MUC6: variants seen among roughly 807,000 people sequenced by gnomAD.
MUC6 encodes mucin 6, oligomeric mucus/gel-forming (gene/pseudogene).
In MUC6, 188 loss-of-function variants were observed where a neutral mutation model predicts 201.5. That is an observed-to-expected ratio of 0.93 (90% CI 0.83 to 1.05). The LOEUF (loss-of-function observed/expected upper bound fraction) is 1.05. Among genes scored for constraint, MUC6 ranks in the 50% least tolerant of loss-of-function variants. The pLI is 0.00. For missense variants in MUC6, 2,706 were observed against 3,256.9 expected, an observed-to-expected ratio of 0.83 and a Z score of 4.12; for synonymous variants, 1,228 against 1,389.4, an observed-to-expected ratio of 0.88 and a Z score of 2.58.
Position 1,015,896 on chromosome 11 carries a change from TTGGTGACTGGAGAGG to T in MUC6, c.6890_6904del (p.Thr2297_Thr2301del). 1 of 1,607,892 alleles carries T rather than the reference TTGGTGACTGGAGAGG, an allele frequency of 6.2e-7. No individual in the cohort carries two copies. The highest frequency in any genetic ancestry group is 8.5e-7 in the Non-Finnish European group (1 of 1,176,536). On this transcript the variant is annotated inframe_deletion, in exon 31 of 33. Transcript: ENST00000421673. ...GGGACCAGGGTGCCTGGTGGTAAGG[TTGGTGACTGGAGAGG>T]TGGGGATACCCGTCACCCCCGAGGT...
In MUC6 at chr11:1,028,931, C is replaced by T; in HGVS notation, c.1411G>A (p.Val471Ile). 1 of 1,613,044 alleles carries T rather than the reference C, an allele frequency of 6.2e-7. No individual in the cohort carries two copies. Reference sequence around the variant, plus strand: ...CACTTGGCTTCTCCGTTGTTGGTGACCACCTCGTCCTGAGAGATCACAATT... The same window carrying T: ...CACTTGGCTTCTCCGTTGTTGGTGATCACCTCGTCCTGAGAGATCACAATT... ...DKIVISQDEV[V>I]TNNGEAKWLP... is the part of the protein sequence containing the mutation. Residue 471 changes from valine to isoleucine, a missense_variant, in exon 12 of 33, where the codon GTC becomes ATC. Val to Ile is a conservative substitution (Grantham distance 29). Around this residue, in one of 10 missense-constraint regions of MUC6, gnomAD observed 1,850 missense variants for 1,958.3 expected, o/e 0.94. Transcript: ENST00000421673.
At position 1,029,274 on chromosome 11, in the gene MUC6, G is replaced by A. The variant is rs1322661490; in HGVS notation, c.1229C>T (p.Ala410Val). The A allele has an allele frequency of 6.2e-7, 1 of 1,607,294 alleles. No homozygotes were observed. Among genetic ancestry groups the A allele is most frequent in the Non-Finnish European group, 8.5e-7 (1 of 1,177,856 alleles). Residue 410 changes from alanine (A) to valine (V), a missense_variant, in exon 10 of 33, where the codon GCC (alanine) becomes GTC (valine). Transcript: ENST00000421673. ...EGGSFVTTFDARPYRFHGTCT... is the reference protein window; with the variant it reads ...EGGSFVTTFDVRPYRFHGTCT... ...GGTGCCGTGGAAGCGGTAGGGCCTGGCGTCAAATGTGGTAACAAAGGAGCC... is the reference window on the plus strand; with the variant it reads ...GGTGCCGTGGAAGCGGTAGGGCCTGACGTCAAATGTGGTAACAAAGGAGCC...
chr11:1,027,367 T>C lies in MUC6; in HGVS notation c.2132A>G (p.Gln711Arg). 1 of 1,612,936 alleles carries C rather than the reference T, an allele frequency of 6.2e-7. No homozygotes were observed. Among genetic ancestry groups the C allele is most frequent in the Non-Finnish European group, 8.5e-7 (1 of 1,179,826 alleles). Residue 711 changes from glutamine (Q) to arginine (R), a missense_variant, in exon 17 of 33, where the codon CAA becomes CGA. Gln to Arg is a conservative substitution (Grantham distance 43). Transcript: ENST00000421673. The stretch of plus-strand genomic sequence containing the variant: ...GGCCTTGCGCACACACTCGCCCTTT[T>C]GGTTCAGGTAGGTGCCATCGGGGCA... ...CNCPDGTYLNQKGECVRKAQC... is the reference protein window; with the variant it reads ...CNCPDGTYLNRKGECVRKAQC...
intron 31 of MUC6, 46 bp from the exon 32 acceptor site, chr11:1,014,047 G>A (rs1856544649): frequency 1.4e-5 from 21 of 1,518,922 alleles, no homozygotes; most frequent in Non-Finnish European, 1.9e-5. Flanking sequence ...TGGGCATGGA[G>A]CGAGGAGGGA....
chr11:1,025,702 C>T (rs1856939883), intron 22 of MUC6, 103 bp downstream of exon 22: 1 of 1,119,148 alleles, frequency 8.9e-7, no homozygotes, highest in Non-Finnish European at 1.3e-6. Context: ...GGGAGGGCTG[C>T]ATCTCGGGGC....
At chr11:1,024,234 C>T (rs1856895247) in intron 24 of MUC6, 131 bp from the exon 25 acceptor site, 3 of 1,112,192 alleles carry the variant, frequency 2.7e-6, no homozygotes, top group South Asian at 3.0e-5. Context: ...GGGTGAGCGG[C>T]ACCACGTGGA....
intron 1 of MUC6, among the ~76,000 whole-genome samples, chr11:1,035,746 G>A (rs898729123): frequency 6.6e-6 from 1 of 152,138 alleles, no homozygotes; most frequent in Non-Finnish European, 1.5e-5. Context: ...CTCCGAGGGC[G>A]AGCTCTGTCA....
At position 1,029,285 on chromosome 11, in the gene MUC6, G is replaced by C; in HGVS notation, c.1218C>G (p.Thr406=). The change falls in exon 10 of 33, where the codon ACC becomes ACG. Residue 406 remains threonine (T), a synonymous_variant. Transcript: ENST00000421673. The stretch of plus-strand genomic sequence containing the variant: ...AGCGGTAGGGCCTGGCGTCAAATGT[G>C]GTAACAAAGGAGCCACCTTCCAGGG... The part of the protein sequence containing the change: ...HCSLEGGSFV[T]TFDARPYRFH... 1.9e-6 allele frequency: 3 copies of C among 1,606,940 alleles called. No individual in the cohort carries two copies. Among genetic ancestry groups the C allele is most frequent in the Non-Finnish European group, 2.5e-6 (3 of 1,177,658 alleles).
intron 2 of MUC6, among the ~76,000 whole-genome samples, chr11:1,032,756 G>T (rs963322971): frequency 6.7e-6 from 1 of 148,540 alleles, no homozygotes; most frequent in Admixed American, 6.7e-5. Flanking sequence ...TTGTGTGTCT[G>T]TGTAGAGTGT....
At position 1,013,041 on chromosome 11, in the gene MUC6, G is replaced by A; in HGVS notation, c.*415C>T. On this transcript the variant is annotated 3_prime_UTR_variant, in exon 33 of 33. Coordinates refer to ENST00000421673, the MANE Select transcript of MUC6 (RefSeq NM_005961.3). ...TGCCTGGGCCTCTTGCCCCCATCTCGGCACAGGTTTCCGTGCCCTCCTCGC... is the reference window on the plus strand; with the variant it reads ...TGCCTGGGCCTCTTGCCCCCATCTCAGCACAGGTTTCCGTGCCCTCCTCGC... The A allele has an allele frequency of 5.5e-6, 1 of 183,468 alleles. No homozygotes were observed. Among genetic ancestry groups the A allele is most frequent in the Non-Finnish European group, 1.1e-5 (1 of 88,702 alleles). 11.4% of individuals were successfully genotyped at this position (183,468 alleles called of 1,614,324 possible).
rs1022134255 is a variant in MUC6 at position 1,033,419 on chromosome 11, C to A, written c.53-344G>T. ...TGGGTGGGGCTAGGAGGGGCTGGTGCGGGTGGCAGGGGCTTGGCGGCGGAG... is the reference window on the plus strand; with the variant it reads ...TGGGTGGGGCTAGGAGGGGCTGGTGAGGGTGGCAGGGGCTTGGCGGCGGAG... On this transcript the variant is annotated intron_variant, in intron 1 of 32. Transcript: ENST00000421673. This position sits in a 1 kb window ranked among gnomAD's most constrained non-coding sequence, Gnocchi z 5.6. Among the ~76,000 whole-genome samples the A allele has an allele frequency of 2.0e-5, 3 of 152,072 alleles. No homozygotes were observed. Among genetic ancestry groups the A allele is most frequent in the Non-Finnish European group, 4.4e-5 (3 of 67,976 alleles).
intron 4 of MUC6, 113 bp downstream of exon 4, chr11:1,031,494 G>T: frequency 6.8e-7 from 1 of 1,473,206 alleles, no homozygotes; most frequent in Non-Finnish European, 9.0e-7. Flanking sequence ...GGGCCTGGCT[G>T]CATGGCAGCC....
intron 26 of MUC6, 111 bp downstream of exon 26, chr11:1,023,398 A>G (rs1856869975): frequency 7.6e-7 from 1 of 1,308,520 alleles, no homozygotes; most frequent in Non-Finnish European, 1.0e-6. Context: ...GTGTGAATTA[A>G]TGAGCATGAA....
rs1856946943 is a variant in MUC6, at chr11:1,025,933, T to C, written c.2689-18A>G. The C allele has an allele frequency of 1.2e-6, 2 of 1,602,274 alleles. No homozygotes were observed. On this transcript the variant is annotated intron_variant, in intron 21 of 32. Transcript: ENST00000421673. ...CAGACGTCCTGCAGGGAGAGGGCGC[T>C]GAGGAGGAGCCCTGGAGGCCGTGCC...
In MUC6 at chr11:1,026,112, T is replaced by G; in HGVS notation, c.2576A>C (p.Gln859Pro). 1 of 1,600,222 alleles carries G rather than the reference T, an allele frequency of 6.2e-7. No homozygotes were observed. Among genetic ancestry groups the G allele is most frequent in the Non-Finnish European group, 8.5e-7 (1 of 1,174,378 alleles). The part of the protein sequence containing the change: ...CSCSRGRWAC[Q>P]QGTHCPSTCT... ...GGTGGATGGGCAGTGGGTGCCCTGC[T>G]GACAGGCCCACCTCCCCCTTGAGCA... Residue 859 changes from glutamine to proline, a missense_variant, in exon 21 of 33, where the codon CAG becomes CCG. By Grantham distance (76) the Gln-to-Pro change is moderately conservative (BLOSUM62 -1). This residue lies in a region of MUC6 where 1,850 missense variants were observed against 1,958.3 expected (regional missense o/e 0.94). Transcript: ENST00000421673.
At chr11:1,026,296 C>T (rs1856957991) in intron 20 of MUC6, 31 bp downstream of exon 20, 2 of 1,555,444 alleles carry the variant, frequency 1.3e-6, no homozygotes, top group Non-Finnish European at 1.7e-6. Context: ...CCCCAGGAGC[C>T]CAGGGCGTCT....
At chr11:1,021,344 C>A in intron 26 of MUC6, 67 bp from the exon 27 acceptor site, 2 of 1,089,630 alleles carry the variant, frequency 1.8e-6, no homozygotes, top group South Asian at 2.1e-5. Flanking sequence ...GTGTTTCCTG[C>A]CCTGGCGGCC....
chr11:1,015,975 G>C lies in MUC6; in HGVS notation c.6826C>G (p.Leu2276Val), dbSNP rs752256271. ...CCTGATGTGGGAACTCGGGTGGTGA[G>C]AGAAGTGGACCGCGAGGTGGTGGAC... The part of the protein sequence containing the change: ...SQSTTSRSTS[L>V]TTRVPTSGFV... Residue 2276 changes from leucine (L) to valine (V), a missense_variant, in exon 31 of 33, where the codon CTC (leucine) becomes GTC (valine). Leu to Val is a conservative substitution (Grantham distance 32, BLOSUM62 1). Coordinates refer to ENST00000421673, the MANE Select transcript of MUC6 (RefSeq NM_005961.3). 1 of 1,595,732 alleles carries C rather than the reference G, an allele frequency of 6.3e-7. No homozygotes were observed. Among genetic ancestry groups the C allele is most frequent in the Non-Finnish European group, 8.6e-7 (1 of 1,168,468 alleles).
chr11:1,015,986 C>G lies in MUC6; in HGVS notation c.6815G>C (p.Arg2272Pro). Reference sequence around the variant, plus strand: ...AACTCGGGTGGTGAGAGAAGTGGACCGCGAGGTGGTGGACTGAGAGGAGAA... The same window carrying G: ...AACTCGGGTGGTGAGAGAAGTGGACGGCGAGGTGGTGGACTGAGAGGAGAA... ...PAFSSQSTTS[R>P]STSLTTRVPT... The change falls in exon 31 of 33, where the codon CGG becomes CCG. Residue 2272 changes from arginine (R) to proline (P), a missense_variant. Physicochemically the swap from Arg to Pro is moderately radical, Grantham distance 103. Coordinates refer to ENST00000421673, the MANE Select transcript of MUC6 (RefSeq NM_005961.3). 6.3e-7 allele frequency: 1 copy of G among 1,597,100 alleles called. No individual in the cohort carries two copies. The highest frequency in any genetic ancestry group is 1.1e-5 in the South Asian group (1 of 88,186).
Sources: allele counts gnomAD v4.1 joint callset (sites outside exome capture counted in the v4.1 genomes callset), GRCh38; gene constraint gnomAD v4.1.1; regional missense constraint gnomAD v4.1.1; non-coding constraint Gnocchi (gnomAD v3.1); transcripts MANE v1.5; gene names NCBI Gene and HGNC (gene_info 2026-07-23, HGNC 2026-07-21).